Variants in EPHA3 observed in about 807,000 individuals in gnomAD.
EPHA3 encodes ephrin type-A receptor 3.
A neutral mutation model predicts 107.1 loss-of-function variants in EPHA3; 42 were observed. The ratio of observed to expected loss-of-function variants is 0.39; its 90% CI spans 0.31 to 0.51. The LOEUF is 0.51. EPHA3 is among the 20% of genes least tolerant of loss of function. EPHA3 has a pLI of 0.78. For synonymous variants in EPHA3, 461 were observed against 424.8 expected (o/e 1.09, Z -1.05); for missense variants, 1,183 against 1,211.2 (o/e 0.98, Z 0.35).
intron 3 of EPHA3, among the ~76,000 whole-genome samples, chr3:89,242,783 T>C (rs1382333926): frequency 6.6e-6 from 1 of 152,094 alleles, no homozygotes; most frequent in African/African-American, 2.4e-5. Flanking sequence ...CTTTAAGTTT[T>C]AGGGTACATG....
intron 2 of EPHA3, among the ~76,000 whole-genome samples, chr3:89,165,932 C>T (rs779646733): frequency 1.3e-5 from 2 of 152,164 alleles, no homozygotes; most frequent in Admixed American, 6.5e-5. Context: ...CTTCAAGCGC[C>T]GTTCACCCTA....
chr3:89,263,661 C>T (rs571048354), intron 3 of EPHA3, among the ~76,000 whole-genome samples: 1 of 152,152 alleles, frequency 6.6e-6, no homozygotes, highest in Admixed American at 6.5e-5. Flanking sequence ...CAGCCATAGT[C>T]CCCAATGTCC....
chr3:89,383,005 A>G (rs1248173266), intron 5 of EPHA3, among the ~76,000 whole-genome samples: 1 of 152,244 alleles, frequency 6.6e-6, no homozygotes, highest in Non-Finnish European at 1.5e-5. Flanking sequence ...ACTGATATCT[A>G]CTAATATAAA....
intron 3 of EPHA3, among the ~76,000 whole-genome samples, chr3:89,292,069 A>G (rs1576293134): frequency 6.6e-6 from 1 of 152,296 alleles, no homozygotes; most frequent in Admixed American, 6.5e-5. Context: ...AGAAAAATGG[A>G]ACAAAGACAC....
chr3:89,132,781 T>C (rs544635176), intron 2 of EPHA3, among the ~76,000 whole-genome samples: 38 of 152,288 alleles, frequency 2.5e-4, no homozygotes, highest in African/African-American at 9.1e-4. Context: ...TTCTAGCTAC[T>C]CAGGGGGCTG....
intron 1 of EPHA3, among the ~76,000 whole-genome samples, chr3:89,116,817 T>C (rs1159160536): frequency 6.6e-6 from 1 of 152,034 alleles, no homozygotes; most frequent in Middle Eastern, 3.2e-3. Flanking sequence ...AAGTGAAGAA[T>C]TAGCAACAAA....
chr3:89,425,760 C>A (rs1709442755), intron 11 of EPHA3, among the ~76,000 whole-genome samples: 1 of 151,084 alleles, frequency 6.6e-6, no homozygotes, highest in African/African-American at 2.4e-5. Flanking sequence ...TCACATTATT[C>A]TACTCTATAA....
At chr3:89,458,803 A>C (rs917267362) in intron 15 of EPHA3, among the ~76,000 whole-genome samples, 1 of 152,194 alleles carries the variant, frequency 6.6e-6, no homozygotes, top group Non-Finnish European at 1.5e-5. Flanking sequence ...TGATAGACTG[A>C]ATAAAGAAAA....
chr3:89,276,421 G>T (rs1705808961), intron 3 of EPHA3, among the ~76,000 whole-genome samples: 1 of 152,086 alleles, frequency 6.6e-6, no homozygotes, highest in Non-Finnish European at 1.5e-5. Flanking sequence ...GAGTAGGAAG[G>T]AATGTTTAAA....
chr3:89,309,314 A>G (rs1363721095), intron 3 of EPHA3, among the ~76,000 whole-genome samples: 2 of 152,148 alleles, frequency 1.3e-5, no homozygotes, highest in African/African-American at 4.8e-5. Flanking sequence ...GAGAAGGGGA[A>G]TAGGAGAGAA....
intron 3 of EPHA3, among the ~76,000 whole-genome samples, chr3:89,243,438 A>T (rs1002301667): frequency 1.3e-5 from 2 of 152,100 alleles, no homozygotes; most frequent in African/African-American, 4.8e-5. Flanking sequence ...CTTTTTAATG[A>T]TCGCCATTCT....
At chr3:89,171,673 A>T (rs935558418) in intron 2 of EPHA3, among the ~76,000 whole-genome samples, 2 of 152,210 alleles carry the variant, frequency 1.3e-5, no homozygotes, top group African/African-American at 4.8e-5. Context: ...CTAAAAGGTT[A>T]TATGTTTTCC....
At chr3:89,271,551 C>G (rs760922385) in intron 3 of EPHA3, among the ~76,000 whole-genome samples, 4 of 151,882 alleles carry the variant, frequency 2.6e-5, no homozygotes, top group African/African-American at 9.7e-5. Context: ...GCTTTATATT[C>G]AAGTCTTCCA....
chr3:89,113,348 C>T (rs1489516900), intron 1 of EPHA3, among the ~76,000 whole-genome samples: 6 of 151,712 alleles, frequency 4.0e-5, no homozygotes, highest in East Asian at 3.9e-4. Context: ...GATACATGTG[C>T]GCCACTTGCT....
At chr3:89,123,538 C>CTGA (rs1559741446) in intron 1 of EPHA3, among the ~76,000 whole-genome samples, 1 of 152,134 alleles carries the variant, frequency 6.6e-6, no homozygotes, top group East Asian at 1.9e-4. Context: ...AACTTAGTGC[C>CTGA]CATCTGAAAG....
At chr3:89,208,572 A>G (rs796612330) in intron 2 of EPHA3, among the ~76,000 whole-genome samples, 29 of 138,190 alleles carry the variant, frequency 2.1e-4, no homozygotes, top group African/African-American at 7.1e-4. Flanking sequence ...GATAAAAAGA[A>G]AGAGAAAGAA....
chr3:89,351,134 G>T (rs1707804527), intron 5 of EPHA3, among the ~76,000 whole-genome samples: 3 of 151,356 alleles, frequency 2.0e-5, no homozygotes, highest in African/African-American at 7.2e-5. Context: ...TTGAACTGTG[G>T]TGGGCTCCAC....
chr3:89,191,817 G>T (rs1300563313), intron 2 of EPHA3, among the ~76,000 whole-genome samples: 1 of 151,968 alleles, frequency 6.6e-6, no homozygotes, highest in African/African-American at 2.4e-5. Context: ...TCATCAGACC[G>T]GTCCAGAAAT....
At chr3:89,372,971 T>C (rs1708337189) in intron 5 of EPHA3, among the ~76,000 whole-genome samples, 1 of 151,834 alleles carries the variant, frequency 6.6e-6, no homozygotes, top group African/African-American at 2.4e-5. Flanking sequence ...TATATCTTGA[T>C]TAAGAAAATA....
Sources: allele counts gnomAD v4.1 joint callset (sites outside exome capture counted in the v4.1 genomes callset), GRCh38; gene constraint gnomAD v4.1.1; transcripts MANE v1.5; gene names NCBI Gene and HGNC (gene_info 2026-07-23, HGNC 2026-07-21).